SYT16: variants seen among roughly 807,000 people sequenced by gnomAD.
SYT16 encodes synaptotagmin 16.
A neutral mutation model predicts 61.4 loss-of-function variants in SYT16; 42 were observed. The observed-to-expected ratio is 0.68, with a 90% confidence interval of 0.53 to 0.89. The LOEUF (loss-of-function observed/expected upper bound fraction) is 0.89, where lower values mean the gene tolerates loss of function less well. SYT16 is among the 40% of genes least tolerant of loss of function. The probability of loss-of-function intolerance (pLI) is 0.00; values close to 1 mark genes in which losing one functional copy is unlikely to be tolerated. For synonymous variants in SYT16, 314 were observed against 302.3 expected, an observed-to-expected ratio of 1.04 and a Z score of -0.40; for missense variants, 804 against 807.3, an observed-to-expected ratio of 1.00 and a Z score of 0.05.
At chr14:62,031,627 G>A (rs992115777) in intron 3 of SYT16, among the ~76,000 whole-genome samples, 2 of 152,180 alleles carry the variant, frequency 1.3e-5, no homozygotes, top group Non-Finnish European at 1.5e-5. Flanking sequence ...GAGACCTGGA[G>A]AATATATAAT....
intron 5 of SYT16, among the ~76,000 whole-genome samples, chr14:62,075,975 T>C (rs1954485): frequency 0.25 from 37,812 of 152,168 alleles, 4,804 homozygotes; most frequent in South Asian, 0.35. Flanking sequence ...CTCTGGCCAT[T>C]GACATTGGTT....
chr14:61,948,983 A>C (rs142065520), intron 1 of SYT16, among the ~76,000 whole-genome samples: 1 of 152,128 alleles, frequency 6.6e-6, no homozygotes, highest in Non-Finnish European at 1.5e-5. Context: ...AGTGAGAGAG[A>C]CCTTAGGAGG....
chr14:61,851,515 A>G (rs1484103931), intron 1 of SYT16, among the ~76,000 whole-genome samples: 1 of 152,126 alleles, frequency 6.6e-6, no homozygotes, highest in East Asian at 1.9e-4. Context: ...GAACTAACTT[A>G]CACTCCCACC....
chr14:62,030,646 T>C (rs1012269398), intron 3 of SYT16, among the ~76,000 whole-genome samples: 1 of 152,234 alleles, frequency 6.6e-6, no homozygotes, highest in African/African-American at 2.4e-5. Flanking sequence ...CAGTCTGCCA[T>C]AGGTATAAAG....
intron 3 of SYT16, among the ~76,000 whole-genome samples, chr14:62,062,611 T>G (rs1053622231): frequency 5.3e-5 from 8 of 152,192 alleles, no homozygotes; most frequent in Admixed American, 3.3e-4. Flanking sequence ...ATGGCCAGAT[T>G]GTGCTTTTAG....
At chr14:61,979,886 G>C (rs1319776022) in intron 2 of SYT16, among the ~76,000 whole-genome samples, 1 of 148,430 alleles carries the variant, frequency 6.7e-6, no homozygotes, top group Non-Finnish European at 1.5e-5. Context: ...GTCTCAAAAA[G>C]AAAAAAAAAA....
chr14:61,997,074 G>A (rs866232550), intron 3 of SYT16, among the ~76,000 whole-genome samples: 1 of 152,122 alleles, frequency 6.6e-6, no homozygotes, highest in Middle Eastern at 3.4e-3. Flanking sequence ...TGAATGGTAA[G>A]GACACATTTA....
chr14:62,083,856 C>T (rs773437693), intron 6 of SYT16, among the ~76,000 whole-genome samples: 1 of 152,058 alleles, frequency 6.6e-6, no homozygotes, highest in Non-Finnish European at 1.5e-5. Context: ...ACAGATTACA[C>T]AGGGGGGAAT....
intron 5 of SYT16, among the ~76,000 whole-genome samples, chr14:62,076,133 C>A (rs2056487562): frequency 6.6e-6 from 1 of 152,246 alleles, no homozygotes; most frequent in Non-Finnish European, 1.5e-5. Context: ...TAATATATGC[C>A]AGGCACTGTG....
chr14:61,936,529 G>C (rs1171135995), intron 1 of SYT16, among the ~76,000 whole-genome samples: 1 of 152,090 alleles, frequency 6.6e-6, no homozygotes, highest in East Asian at 1.9e-4. Context: ...ATTTTGATTA[G>C]GAATAACACA....
Position 62,110,378 on chromosome 14 carries a change from C to T in SYT16, c.*9671C>T, listed in dbSNP as rs1250370329. On this transcript the variant is annotated 3_prime_UTR_variant, in exon 8 of 8. Transcript: ENST00000683842. ...ATTAATATAATGAACACTTTGAGAC[C>T]CCACTATATAACAGGGCCATACATA... The T allele has an allele frequency of 6.6e-6, 1 of 151,882 alleles. No homozygotes were observed. Among genetic ancestry groups the T allele is most frequent in the Non-Finnish European group, 1.5e-5 (1 of 67,942 alleles). The allele number at this position is 151,882 out of a possible 1,614,324, so 9.4% of individuals were successfully genotyped here.
intron 1 of SYT16, among the ~76,000 whole-genome samples, chr14:61,846,796 C>T (rs2046458349): frequency 6.6e-6 from 1 of 151,902 alleles, no homozygotes; most frequent in Non-Finnish European, 1.5e-5. Context: ...GATTTAGTTT[C>T]TTGCATTTTA....
chr14:62,082,651 C>T (rs2056749841), intron 6 of SYT16, among the ~76,000 whole-genome samples: 1 of 152,130 alleles, frequency 6.6e-6, no homozygotes, highest in South Asian at 2.1e-4. Context: ...TCAGATCTCC[C>T]TTTTTTCTTA....
intron 2 of SYT16, among the ~76,000 whole-genome samples, chr14:61,990,658 G>C (rs2052510118): frequency 6.6e-6 from 1 of 152,066 alleles, no homozygotes; most frequent in African/African-American, 2.4e-5. Flanking sequence ...CAAAATAACA[G>C]ATTTTTAAAG....
At chr14:61,893,855 C>A (rs1244606010) in intron 1 of SYT16, among the ~76,000 whole-genome samples, 2 of 152,246 alleles carry the variant, frequency 1.3e-5, no homozygotes, top group Non-Finnish European at 2.9e-5. Flanking sequence ...GATTCTGCAT[C>A]TTCTGATTCC....
chr14:61,994,915 A>G (rs1206648027), intron 2 of SYT16, among the ~76,000 whole-genome samples: 1 of 152,194 alleles, frequency 6.6e-6, no homozygotes, highest in Non-Finnish European at 1.5e-5. Flanking sequence ...AGGGATAGCT[A>G]GTAGATTTAG....
chr14:62,062,723 A>G (rs1481319138), intron 3 of SYT16, among the ~76,000 whole-genome samples: 1 of 151,410 alleles, frequency 6.6e-6, no homozygotes, highest in Non-Finnish European at 1.5e-5. Flanking sequence ...TCCAACCAAC[A>G]CAGGCAGCCA....
chr14:61,922,423 A>G (rs1470190127), intron 1 of SYT16, among the ~76,000 whole-genome samples: 1 of 152,188 alleles, frequency 6.6e-6, no homozygotes, highest in African/African-American at 2.4e-5. Context: ...TAGCAAATTA[A>G]CTCAGGAACA....
At chr14:62,050,166 C>T (rs530486151) in intron 3 of SYT16, among the ~76,000 whole-genome samples, 59 of 152,254 alleles carry the variant, frequency 3.9e-4, no homozygotes, top group Admixed American at 3.3e-4. Context: ...AGGCTTTGTT[C>T]GTTTCTTTTT....
Sources: allele counts gnomAD v4.1 joint callset (sites outside exome capture counted in the v4.1 genomes callset), GRCh38; gene constraint gnomAD v4.1.1; transcripts MANE v1.5; gene names NCBI Gene and HGNC (gene_info 2026-07-23, HGNC 2026-07-21).